PLEKHH2: variants seen among roughly 807,000 people sequenced by gnomAD.
The protein encoded by PLEKHH2 is pleckstrin homology, MyTH4 and FERM domain containing H2, also known as pleckstrin homology domain-containing family H member 2.
In PLEKHH2, 129 loss-of-function variants were observed where a neutral mutation model predicts 187.9. That is an observed-to-expected ratio of 0.69 (90% CI 0.59 to 0.79). The LOEUF is 0.79. Ranked by LOEUF, PLEKHH2 falls within the 30% of genes least tolerant of loss-of-function variation. PLEKHH2 has a pLI of 0.00. For synonymous variants in PLEKHH2, 686 were observed against 605.6 expected (o/e 1.13, Z -1.95); for missense variants, 2,076 against 1,751.2 (o/e 1.19, Z -3.31).
chr2:43,733,089 G>A (rs946200939), intron 19 of PLEKHH2, among the ~76,000 whole-genome samples: 9 of 152,130 alleles, frequency 5.9e-5, no homozygotes, highest in Admixed American at 2.0e-4. Flanking sequence ...GCAGCCGGGC[G>A]CAGTGGCTCA....
intron 17 of PLEKHH2, among the ~76,000 whole-genome samples, chr2:43,728,927 C>T (rs1057430761): frequency 6.3e-4 from 96 of 152,068 alleles, no homozygotes; most frequent in African/African-American, 2.3e-3. Flanking sequence ...ATAACATTTC[C>T]TTTTCAGTTA....
chr2:43,698,146 T>G (rs957367446), intron 7 of PLEKHH2, among the ~76,000 whole-genome samples: 1 of 152,130 alleles, frequency 6.6e-6, no homozygotes, highest in Non-Finnish European at 1.5e-5. Context: ...AAGTTGTCTC[T>G]ATGCTTGGTT....
At chr2:43,693,532 G>A (rs890624119) in intron 4 of PLEKHH2, among the ~76,000 whole-genome samples, 1 of 151,908 alleles carries the variant, frequency 6.6e-6, no homozygotes, top group African/African-American at 2.4e-5. Context: ...GAGACCATCT[G>A]GCTAACATGG....
At chr2:43,671,795 T>C (rs1342873729) in intron 2 of PLEKHH2, among the ~76,000 whole-genome samples, 1 of 152,204 alleles carries the variant, frequency 6.6e-6, no homozygotes, top group Admixed American at 6.5e-5. Flanking sequence ...ATTCCTAGGA[T>C]AAACCCCACT....
In PLEKHH2 at chr2:43,697,350, A is replaced by T. The variant is rs10175843; in HGVS notation, c.682A>T (p.Met228Leu). 1 of 1,607,416 alleles carries T rather than the reference A, an allele frequency of 6.2e-7. No individual in the cohort carries two copies. Among genetic ancestry groups the T allele is most frequent in the South Asian group, 1.1e-5 (1 of 89,620 alleles). Residue 228 changes from methionine (M) to leucine (L), a missense_variant, in exon 7 of 30, where the codon ATG (methionine) becomes TTG (leucine). Coordinates refer to ENST00000282406, the MANE Select transcript of PLEKHH2 (RefSeq NM_172069.4). The stretch of plus-strand genomic sequence containing the variant: ...ACCTGAGTTCACTGAAGGAAAAGAC[A>T]TGGAAGGTATTTATGAACTACAGGA... ...KEPEFTEGKD[M>L]EEMEIPEKSV...
At chr2:43,668,856 T>C (rs1232821164) in intron 2 of PLEKHH2, among the ~76,000 whole-genome samples, 1 of 152,162 alleles carries the variant, frequency 6.6e-6, no homozygotes, top group Non-Finnish European at 1.5e-5. Context: ...TTTCCACAGT[T>C]GTTACCCGAA....
chr2:43,684,236 T>C (rs534812505), intron 3 of PLEKHH2, among the ~76,000 whole-genome samples: 11 of 151,994 alleles, frequency 7.2e-5, no homozygotes, highest in South Asian at 4.2e-4. Flanking sequence ...TCTTTTTCCT[T>C]CATTGTCTTG....
At chr2:43,720,266 G>A (rs1477990051) in intron 15 of PLEKHH2, among the ~76,000 whole-genome samples, 1 of 146,136 alleles carries the variant, frequency 6.8e-6, no homozygotes, top group South Asian at 2.2e-4. Flanking sequence ...TTCTACTACT[G>A]TTAACAGGTA....
intron 2 of PLEKHH2, among the ~76,000 whole-genome samples, chr2:43,654,296 G>C (rs373064018): frequency 1.3e-5 from 2 of 152,104 alleles, no homozygotes; most frequent in African/African-American, 4.8e-5. Flanking sequence ...CCCGGTTCAA[G>C]CGAGTCTCCT....
At chr2:43,660,030 G>A (rs940255525) in intron 2 of PLEKHH2, among the ~76,000 whole-genome samples, 10 of 152,074 alleles carry the variant, frequency 6.6e-5, no homozygotes, top group South Asian at 4.1e-4. Context: ...TCCCTCCTGC[G>A]CCTTTATAGT....
chr2:43,643,217 G>GA (rs1182070538), intron 1 of PLEKHH2, among the ~76,000 whole-genome samples: 1 of 151,984 alleles, frequency 6.6e-6, no homozygotes, highest in East Asian at 1.9e-4. Context: ...ATCTCCTTAG[G>GA]AAAAACCTCA....
intron 1 of PLEKHH2, among the ~76,000 whole-genome samples, chr2:43,641,479 G>A (rs1227089363): frequency 1.4e-5 from 2 of 144,980 alleles, no homozygotes; most frequent in Non-Finnish European, 3.0e-5. Flanking sequence ...CTTTCTTAAA[G>A]CATTATGAGA....
intron 1 of PLEKHH2, among the ~76,000 whole-genome samples, chr2:43,639,389 A>G (rs1160774543): frequency 6.6e-6 from 1 of 152,170 alleles, no homozygotes; most frequent in African/African-American, 2.4e-5. Context: ...TCATCACCCC[A>G]AAAAGAAACC....
intron 11 of PLEKHH2, among the ~76,000 whole-genome samples, chr2:43,708,564 T>A (rs1669788868): frequency 6.6e-6 from 1 of 152,234 alleles, no homozygotes; most frequent in Admixed American, 6.5e-5. Context: ...CCAGCTCTTT[T>A]TATTCCCTTT....
chr2:43,725,291 C>T (rs1670686426), intron 16 of PLEKHH2, among the ~76,000 whole-genome samples: 1 of 152,156 alleles, frequency 6.6e-6, no homozygotes, highest in Non-Finnish European at 1.5e-5. Context: ...CAGCTGTAGG[C>T]ACCCCCTCTA....
At chr2:43,675,287 A>G in intron 2 of PLEKHH2, 1 of 757,662 alleles carries the variant, frequency 1.3e-6, no homozygotes, top group Non-Finnish European at 2.0e-6. Context: ...TGAATGAAGT[A>G]CGTATTTTAC....
intron 4 of PLEKHH2, among the ~76,000 whole-genome samples, chr2:43,693,641 G>A (rs192906808): frequency 2.0e-5 from 3 of 149,794 alleles, no homozygotes; most frequent in Non-Finnish European, 4.4e-5. Context: ...GGAGAGCGGC[G>A]TGAACCCAGG....
intron 1 of PLEKHH2, among the ~76,000 whole-genome samples, chr2:43,639,622 A>AATAATATTCCAT (rs1487878048): frequency 2.7e-5 from 4 of 150,288 alleles, no homozygotes; most frequent in Non-Finnish European, 5.9e-5. Flanking sequence ...TTTATGGCCG[A>AATAATATTCCAT]ATAATATTCC....
intron 2 of PLEKHH2, among the ~76,000 whole-genome samples, chr2:43,669,041 C>G (rs1471714875): frequency 2.6e-5 from 4 of 152,200 alleles, no homozygotes; most frequent in African/African-American, 9.6e-5. Flanking sequence ...GCAGAGAGCT[C>G]CAGGAATAGT....
Sources: allele counts gnomAD v4.1 joint callset (sites outside exome capture counted in the v4.1 genomes callset), GRCh38; gene constraint gnomAD v4.1.1; transcripts MANE v1.5; gene names NCBI Gene and HGNC (gene_info 2026-07-23, HGNC 2026-07-21).